SEMA5A: variants seen among roughly 807,000 people sequenced by gnomAD.
SEMA5A encodes the protein semaphorin 5A.
A neutral mutation model predicts 135.5 loss-of-function variants in SEMA5A; 55 were observed. The observed-to-expected ratio is 0.41, with a 90% CI of 0.33 to 0.51. The LOEUF (loss-of-function observed/expected upper bound fraction) is 0.51. Among genes scored for constraint, SEMA5A ranks in the 20% least tolerant of loss-of-function variants. The pLI is 0.37. For missense variants in SEMA5A, 1,290 were observed against 1,419.9 expected (o/e 0.91, Z 1.47); for synonymous variants, 580 against 546.5 (o/e 1.06, Z -0.85).
At chr5:9,458,065 G>A (rs564979430) in intron 1 of SEMA5A, among the ~76,000 whole-genome samples, 1 of 151,694 alleles carries the variant, frequency 6.6e-6, no homozygotes, top group Non-Finnish European at 1.5e-5. Context: ...CCGCCAACAC[G>A]CCCAGCTAAT....
intron 12 of SEMA5A, among the ~76,000 whole-genome samples, chr5:9,144,427 CTAACT>C (rs1374247956): frequency 6.6e-6 from 1 of 152,170 alleles, no homozygotes; most frequent in South Asian, 2.1e-4. Context: ...TATAATTCAC[CTAACT>C]TAACAGTTTG....
At chr5:9,175,461 C>T (rs949771161) in intron 11 of SEMA5A, among the ~76,000 whole-genome samples, 3 of 152,130 alleles carry the variant, frequency 2.0e-5, no homozygotes, top group African/African-American at 4.8e-5. Flanking sequence ...GCAGAGATGG[C>T]GGTGGCCCTT....
intron 3 of SEMA5A, among the ~76,000 whole-genome samples, chr5:9,341,342 G>A (rs2150728930): frequency 6.6e-6 from 1 of 152,092 alleles, no homozygotes; most frequent in African/African-American, 2.4e-5. Flanking sequence ...GATTTCAGTA[G>A]TAGCAGGAAA....
Position 9,036,267 on chromosome 5 carries a change from G to C in SEMA5A, c.*6630C>G, listed in dbSNP as rs1735648185. 2 of 150,410 alleles carry C rather than the reference G, an allele frequency of 1.3e-5. No individual in the cohort carries two copies. Among genetic ancestry groups the C allele is most frequent in the East Asian group, 1.9e-4 (1 of 5,144 alleles). 9.3% of individuals were successfully genotyped at this position (150,410 alleles called of 1,614,324 possible). ...TTTGGCCAACAGTCATGGTAAAAGA[G>C]AAAAACAATCAACTTCAGCAGAGAT... On this transcript the variant is annotated 3_prime_UTR_variant, in exon 23 of 23. Transcript: ENST00000382496.
At chr5:9,442,183 C>A (rs1268980531) in intron 1 of SEMA5A, among the ~76,000 whole-genome samples, 1 of 152,162 alleles carries the variant, frequency 6.6e-6, no homozygotes, top group Non-Finnish European at 1.5e-5. Context: ...TTTGGGGGGG[C>A]TTTAGGCCAC....
chr5:9,451,510 G>A (rs1315145471), intron 1 of SEMA5A, among the ~76,000 whole-genome samples: 1 of 152,160 alleles, frequency 6.6e-6, no homozygotes, highest in Non-Finnish European at 1.5e-5. Context: ...TATTGTAAAA[G>A]AGCCATAGTC....
At chr5:9,257,865 C>G (rs1749164158) in intron 5 of SEMA5A, among the ~76,000 whole-genome samples, 1 of 152,114 alleles carries the variant, frequency 6.6e-6, no homozygotes, top group African/African-American at 2.4e-5. Context: ...GGCAAGTCAG[C>G]CCCTAGACAG....
At chr5:9,360,074 C>T (rs1239020750) in intron 3 of SEMA5A, among the ~76,000 whole-genome samples, 1 of 152,224 alleles carries the variant, frequency 6.6e-6, no homozygotes, top group Non-Finnish European at 1.5e-5. Flanking sequence ...TATCTCTCAG[C>T]AATAGCCTTT....
intron 11 of SEMA5A, among the ~76,000 whole-genome samples, chr5:9,181,846 A>T (rs1335118947): frequency 6.6e-6 from 1 of 151,860 alleles, no homozygotes; most frequent in Non-Finnish European, 1.5e-5. Context: ...ACTCGATTCA[A>T]TCTGCTGTCT....
intron 5 of SEMA5A, among the ~76,000 whole-genome samples, chr5:9,274,768 G>A (rs1490678129): frequency 4.6e-5 from 7 of 152,156 alleles, no homozygotes; most frequent in African/African-American, 1.7e-4. Flanking sequence ...AAATAAAGAT[G>A]TTCTTTGAAA....
chr5:9,176,989 T>C (rs973022435), intron 11 of SEMA5A, among the ~76,000 whole-genome samples: 1 of 152,210 alleles, frequency 6.6e-6, no homozygotes, highest in African/African-American at 2.4e-5. Context: ...AATAATCTAA[T>C]TGAAATTAGG....
intron 6 of SEMA5A, among the ~76,000 whole-genome samples, chr5:9,233,635 C>T (rs1364485485): frequency 6.6e-6 from 1 of 152,202 alleles, no homozygotes; most frequent in Non-Finnish European, 1.5e-5. Flanking sequence ...ATCTGGATAA[C>T]TTCTCTTGAC....
rs59127367 is a variant in SEMA5A, at chr5:9,509,609, T to C, written c.-175+35975A>G. The stretch of plus-strand genomic sequence containing the variant: ...AATTATTTAATGAGTGGATATAGGT[T>C]CTACAGCCTCAGAGCCCCTGCAATA... On this transcript the variant is annotated intron_variant, in intron 1 of 22. Coordinates refer to ENST00000382496, the MANE Select transcript of SEMA5A (RefSeq NM_003966.3). 3.2e-3 allele frequency among the ~76,000 whole-genome samples: 493 copies of C among 152,272 alleles called. 3 individuals carry two copies. Among genetic ancestry groups the C allele is most frequent in the African/African-American group, 0.011 (472 of 41,556 alleles).
At chr5:9,361,285 C>T (rs191955554) in intron 3 of SEMA5A, among the ~76,000 whole-genome samples, 5 of 141,186 alleles carry the variant, frequency 3.5e-5, no homozygotes, top group Admixed American at 1.5e-4. Context: ...GGCAACAAAG[C>T]GAGACTCTGT....
intron 10 of SEMA5A, among the ~76,000 whole-genome samples, chr5:9,192,874 A>T (rs1745190353): frequency 6.6e-6 from 1 of 152,094 alleles, no homozygotes; most frequent in Non-Finnish European, 1.5e-5. Flanking sequence ...GTGTTTAAAA[A>T]AAAATTGGTA....
At chr5:9,416,926 C>G (rs1410324439) in intron 2 of SEMA5A, among the ~76,000 whole-genome samples, 1 of 152,046 alleles carries the variant, frequency 6.6e-6, no homozygotes, top group Non-Finnish European at 1.5e-5. Flanking sequence ...CTGCTTTACA[C>G]TGAAAAAAAG....
At chr5:9,460,683 A>T (rs1418304312) in intron 1 of SEMA5A, among the ~76,000 whole-genome samples, 1 of 152,214 alleles carries the variant, frequency 6.6e-6, no homozygotes, top group Non-Finnish European at 1.5e-5. Context: ...TGAAACTGAA[A>T]GAAACATTCC....
rs377227234 is a variant in SEMA5A, at chr5:9,246,273, T to G, written c.271-8383A>C. Among the ~76,000 whole-genome samples the G allele has an allele frequency of 3.9e-5, 6 of 152,174 alleles. No homozygotes were observed. In the South Asian group the frequency reaches 1.2e-3, roughly 31 times the overall value. ...GGATGGCTATTTTTATACATGAATT[T>G]CCTAAAAGTATTAGTATAAGGAACC... is the stretch of plus-strand genomic sequence containing the variant. On this transcript the variant is annotated intron_variant, in intron 5 of 22. Coordinates refer to ENST00000382496, the MANE Select transcript of SEMA5A (RefSeq NM_003966.3).
At chr5:9,222,003 G>A (rs763437047) in intron 8 of SEMA5A, among the ~76,000 whole-genome samples, 12 of 152,150 alleles carry the variant, frequency 7.9e-5, no homozygotes, top group East Asian at 5.8e-4. Context: ...ACCACAGGAC[G>A]ATTCTCACTA....
Sources: gnomAD v4.1 joint callset for allele counts (sites outside exome capture counted in the v4.1 genomes callset) on GRCh38, gnomAD v4.1.1 for gene constraint, MANE v1.5 for transcripts, NCBI Gene and HGNC (gene_info 2026-07-23, HGNC 2026-07-21) for gene names.